Variants in BFAR observed in about 807,000 individuals in gnomAD.
BFAR encodes RING finger protein 47.
BFAR carries 52 observed loss-of-function variants against 54.4 expected under a neutral mutation model. That is an observed-to-expected ratio of 0.96 (90% CI 0.77 to 1.21). The LOEUF (loss-of-function observed/expected upper bound fraction) is 1.21. BFAR is among the 50% of genes most tolerant of loss of function. The probability of loss-of-function intolerance (pLI) is 0.00; values close to 1 mark genes in which losing one functional copy is unlikely to be tolerated. For synonymous variants in BFAR, 215 were observed against 204.3 expected, an observed-to-expected ratio of 1.05 and a Z score of -0.45; for missense variants, 571 against 534.0, an observed-to-expected ratio of 1.07 and a Z score of -0.68.
intron 5 of BFAR, 147 bp from the exon 6 acceptor site, chr16:14,661,745 C>G: frequency 1.2e-6 from 1 of 856,388 alleles, no homozygotes; most frequent in South Asian, 1.6e-5. Context: ...ATGTGGATCA[C>G]TTGGCCTCTT....
intron 1 of BFAR, 56 bp from the exon 2 acceptor site, chr16:14,644,218 C>A: frequency 6.7e-6 from 6 of 889,684 alleles, no homozygotes; most frequent in Non-Finnish European, 1.0e-5. Flanking sequence ...TTTATATTAA[C>A]TGCTCTTCAA....
intron 7 of BFAR, among the ~76,000 whole-genome samples, chr16:14,666,549 G>A (rs1482552724): frequency 6.6e-6 from 1 of 152,064 alleles, no homozygotes; most frequent in Non-Finnish European, 1.5e-5. Context: ...TCCACCCTGG[G>A]CGACAAAACG....
intron 4 of BFAR, 72 bp from the exon 5 acceptor site, chr16:14,654,994 T>C (rs1960081181): frequency 7.3e-7 from 1 of 1,370,502 alleles, no homozygotes; most frequent in South Asian, 1.8e-5. Context: ...ATTAGTAAGA[T>C]GGAACTCTGA....
intron 1 of BFAR, 122 bp from the exon 2 acceptor site, chr16:14,644,152 G>T: frequency 3.3e-6 from 2 of 612,014 alleles, no homozygotes; most frequent in East Asian, 2.8e-5. Flanking sequence ...CAGAGAGCAA[G>T]ACTGTGTCTC....
intron 5 of BFAR, among the ~76,000 whole-genome samples, chr16:14,658,290 G>C (rs771116820): frequency 1.4e-4 from 21 of 152,100 alleles, no homozygotes; most frequent in Non-Finnish European, 2.6e-4. Context: ...TGCACAGGAA[G>C]GGTGGTCACC....
chr16:14,658,098 T>C (rs1297848769), intron 5 of BFAR, among the ~76,000 whole-genome samples: 1 of 151,768 alleles, frequency 6.6e-6, no homozygotes, highest in African/African-American at 2.4e-5. Context: ...TGAGCAGAGG[T>C]TTAATAGGCA....
At chr16:14,667,502 G>A (rs111228382) in intron 7 of BFAR, 133 bp from the exon 8 acceptor site, 26 of 814,588 alleles carry the variant, frequency 3.2e-5, no homozygotes, top group African/African-American at 1.0e-4. Context: ...CTCAGGCACC[G>A]GGGACAGAAG....
rs374646053 is a variant in BFAR at position 14,649,820 on chromosome 16, A to C, written c.485A>C (p.Tyr162Ser). The C allele has an allele frequency of 1.2e-6, 2 of 1,607,224 alleles. No homozygotes were observed. The highest frequency in any genetic ancestry group is 1.7e-6 in the Non-Finnish European group (2 of 1,175,830). ...TTTCCCCAGGTGGTCCTGCTCGTCT[A>C]TCACTGGAGCAGCAGGGAATCTGAA... ...LTGVAVVLLV[Y>S]HWSSRESEHD... Residue 162 changes from tyrosine (Y) to serine (S), a missense_variant, in exon 4 of 8, where the codon TAT (tyrosine) becomes TCT (serine). Tyr to Ser is a moderately radical substitution (Grantham distance 144). Coordinates refer to ENST00000261658, the MANE Select transcript of BFAR (RefSeq NM_016561.3).
intron 4 of BFAR, among the ~76,000 whole-genome samples, chr16:14,652,946 C>G (rs1960017117): frequency 1.3e-5 from 2 of 152,154 alleles, no homozygotes; most frequent in Admixed American, 1.3e-4. Context: ...GTGACTTTTT[C>G]TCTCCTCTCC....
chr16:14,648,364 AT>A (rs540587741), intron 2 of BFAR, 23 bp from the exon 3 acceptor site: 349 of 1,491,750 alleles, frequency 2.3e-4, no homozygotes, highest in Non-Finnish European at 2.5e-4. Flanking sequence ...AACTGTCTTA[AT>A]TTTTTTTTTC....
At chr16:14,636,375 G>C (rs1305231114) in intron 1 of BFAR, among the ~76,000 whole-genome samples, 1 of 152,220 alleles carries the variant, frequency 6.6e-6, no homozygotes, top group Non-Finnish European at 1.5e-5. Flanking sequence ...TAATAGTGGA[G>C]AGAAGGTCAG....
intron 5 of BFAR, among the ~76,000 whole-genome samples, chr16:14,657,879 T>C (rs1384327328): frequency 1.3e-5 from 2 of 152,172 alleles, no homozygotes; most frequent in African/African-American, 2.4e-5. Flanking sequence ...TATTTCAGCA[T>C]TAATCTCTTA....
At chr16:14,648,007 C>A (rs1424812417) in intron 2 of BFAR, among the ~76,000 whole-genome samples, 1 of 151,938 alleles carries the variant, frequency 6.6e-6, no homozygotes. Context: ...TGGGAGGCCC[C>A]GGTGGGCAGA....
chr16:14,642,498 G>C (rs898934881), intron 1 of BFAR, among the ~76,000 whole-genome samples: 15 of 152,274 alleles, frequency 9.9e-5, no homozygotes, highest in Middle Eastern at 3.4e-3. Context: ...ATGAAAACAA[G>C]AAGAGAATGG....
chr16:14,654,493 C>CTT (rs55673619), intron 4 of BFAR, among the ~76,000 whole-genome samples: 1,875 of 88,920 alleles, frequency 0.021, 28 homozygotes, highest in African/African-American at 0.044. Flanking sequence ...GTGAGTTTTC[C>CTT]TTTTTTTTTT....
chr16:14,659,920 T>C (rs1230572878), intron 5 of BFAR, among the ~76,000 whole-genome samples: 1 of 152,224 alleles, frequency 6.6e-6, no homozygotes, highest in Non-Finnish European at 1.5e-5. Flanking sequence ...TTTTTAAAAA[T>C]CTAACAGTAA....
rs563033863 is a variant in BFAR at position 14,632,976 on chromosome 16, G to T, written c.-116G>T. ...CTCTTCCTCTGCTCCCGCGGGGTCT[G>T]TGCTGAGAATAATGGCCCGGTTGGC... On this transcript the variant is annotated 5_prime_UTR_variant, in exon 1 of 8. Transcript: ENST00000261658. 2 of 154,150 alleles carry T rather than the reference G, an allele frequency of 1.3e-5. No individual in the cohort carries two copies. The highest frequency in any genetic ancestry group is 2.4e-5 in the African/African-American group (1 of 41,458). The allele number at this position is 154,150 out of a possible 1,614,324, so 9.5% of individuals were successfully genotyped here.
At position 14,647,204 on chromosome 16, in the gene BFAR, C is replaced by T. The variant is rs540395114; in HGVS notation, c.264-1184C>T. 7.2e-5 allele frequency among the ~76,000 whole-genome samples: 11 copies of T among 152,200 alleles called. No individual in the cohort carries two copies. In the South Asian group the frequency reaches 2.3e-3, roughly 32 times the overall value. On this transcript the variant is annotated intron_variant, in intron 2 of 7. Transcript: ENST00000261658. ...GGTTCAAGCGATTCTCCTGCCTCAGCCTCCCAAGTAGCTGGGATTACAGGC... is the reference window on the plus strand; with the variant it reads ...GGTTCAAGCGATTCTCCTGCCTCAGTCTCCCAAGTAGCTGGGATTACAGGC...
Position 14,667,678 on chromosome 16 carries a change from A to T in BFAR, c.1204A>T (p.Thr402Ser), listed in dbSNP as rs1960480240. The change falls in exon 8 of 8, where the codon ACG (threonine) becomes TCG (serine). Residue 402 changes from threonine (T) to serine (S), a missense_variant. Coordinates refer to ENST00000261658, the MANE Select transcript of BFAR (RefSeq NM_016561.3). ...RMWSHFWKVSTQGLFVAMFWP... is the reference protein window; with the variant it reads ...RMWSHFWKVSSQGLFVAMFWP... The stretch of plus-strand genomic sequence containing the variant: ...GTGGAGCCATTTCTGGAAAGTATCA[A>T]CGCAGGGGCTTTTTGTGGCCATGTT... 2 of 1,614,108 alleles carry T rather than the reference A, an allele frequency of 1.2e-6. No homozygotes were observed. Among genetic ancestry groups the T allele is most frequent in the Middle Eastern group, 1.6e-4 (1 of 6,084 alleles).
Sources: gnomAD v4.1 joint callset for allele counts (sites outside exome capture counted in the v4.1 genomes callset) on GRCh38, gnomAD v4.1.1 for gene constraint, MANE v1.5 for transcripts, NCBI Gene and HGNC (gene_info 2026-07-23, HGNC 2026-07-21) for gene names.